HNF4A: variants seen among roughly 807,000 people sequenced by gnomAD.
HNF4A encodes the protein hepatocyte nuclear factor 4-alpha.
A neutral mutation model predicts 52.4 loss-of-function variants in HNF4A; 15 were observed. The observed-to-expected ratio is 0.29, with a 90% CI of 0.19 to 0.44. The LOEUF is 0.44. Ranked by LOEUF, HNF4A falls within the 20% of genes least tolerant of loss-of-function variation. The pLI is 1.00. For missense variants in HNF4A, 479 were observed against 647.2 expected (o/e 0.74, Z 2.82); for synonymous variants, 280 against 264.4 (o/e 1.06, Z -0.57).
At chr20:44,365,079 T>C (rs1270706238) in intron 1 of HNF4A, among the ~76,000 whole-genome samples, 1 of 152,220 alleles carries the variant, frequency 6.6e-6, no homozygotes, top group Admixed American at 6.5e-5. Flanking sequence ...AGTAGGGTCA[T>C]GCTCACACGT....
At chr20:44,405,627 G>C (rs1370116046) in intron 1 of HNF4A, among the ~76,000 whole-genome samples, 1 of 152,082 alleles carries the variant, frequency 6.6e-6, no homozygotes, top group African/African-American at 2.4e-5. Context: ...CGGGGCCCCT[G>C]GGCACACAAG....
chr20:44,401,831 G>A lies in HNF4A; in HGVS notation c.115+344G>A, dbSNP rs78297185. 1.8e-3 allele frequency among the ~76,000 whole-genome samples: 278 copies of A among 152,276 alleles called. 2 individuals are homozygous for A. The highest frequency in any genetic ancestry group is 6.4e-3 in the African/African-American group (264 of 41,556). On this transcript the variant is annotated intron_variant, in intron 1 of 9. Transcript: ENST00000316099. ...CTCCCCCTTGGTGCCCAGCTCCAGC[G>A]ATTCAGCCCAGCACGGCCCCTTCGT...
rs989471061 is a variant in HNF4A, at chr20:44,418,505, G to A, written c.729G>A (p.Leu243=). Residue 243 remains leucine, a synonymous_variant, in exon 6 of 10, where the codon CTG becomes CTA. Coordinates refer to ENST00000316099, the MANE Select transcript of HNF4A (RefSeq NM_000457.6). ...GATCCATGGTGTTCAAGGACGTGCT[G>A]CTCCTAGGTGAGGCGGCTGCCTGCC... 6.2e-7 allele frequency: 1 copy of A among 1,611,920 alleles called. No homozygotes were observed. The highest frequency in any genetic ancestry group is 8.5e-7 in the Non-Finnish European group (1 of 1,179,570).
At chr20:44,390,518 T>C (rs1266726778) in intron 1 of HNF4A, 2 of 671,884 alleles carry the variant, frequency 3.0e-6, no homozygotes, top group Non-Finnish European at 5.4e-6. Flanking sequence ...TGACCAGTAT[T>C]AAGGGATTAA....
chr20:44,395,669 T>C (rs2063346803), intron 1 of HNF4A: 1 of 152,254 alleles, frequency 6.6e-6, no homozygotes, highest in Admixed American at 6.5e-5. Flanking sequence ...GACTGGAGTT[T>C]GGTCAGTGGT....
chr20:44,385,922 C>T (rs922885907), intron 1 of HNF4A, among the ~76,000 whole-genome samples: 11 of 151,338 alleles, frequency 7.3e-5, no homozygotes, highest in South Asian at 2.1e-4. Flanking sequence ...TGCAGTGGCA[C>T]GATCTTCACT....
rs765022455 is a variant in HNF4A at position 44,429,705 on chromosome 20, G to A, written c.*40G>A. 2 of 1,606,992 alleles carry A rather than the reference G, an allele frequency of 1.2e-6. No individual in the cohort carries two copies. Among genetic ancestry groups the A allele is most frequent in the South Asian group, 1.1e-5 (1 of 90,908 alleles). The stretch of plus-strand genomic sequence containing the variant: ...TTGGGGGCTCCACTGGCTCCCCCCA[G>A]CCCCCTAAGAGAGCACCTGGTGATC... On this transcript the variant is annotated 3_prime_UTR_variant, in exon 10 of 10. Coordinates refer to ENST00000316099, the MANE Select transcript of HNF4A (RefSeq NM_000457.6).
At chr20:44,362,822 T>C (rs1401281012) in intron 1 of HNF4A, among the ~76,000 whole-genome samples, 1 of 151,832 alleles carries the variant, frequency 6.6e-6, no homozygotes, top group Non-Finnish European at 1.5e-5. Flanking sequence ...CTGTGTGACC[T>C]TGAGTGAATG....
chr20:44,380,218 T>A (rs1357555799), intron 1 of HNF4A, among the ~76,000 whole-genome samples: 1 of 152,236 alleles, frequency 6.6e-6, no homozygotes, highest in East Asian at 1.9e-4. Flanking sequence ...TAATGATTAG[T>A]GATGTTAAGT....
chr20:44,359,266 C>T (rs190950482), intron 1 of HNF4A, among the ~76,000 whole-genome samples: 1 of 152,312 alleles, frequency 6.6e-6, no homozygotes, highest in Admixed American at 6.5e-5. Context: ...CTCCTCACTG[C>T]GTTGTCTTTG....
chr20:44,371,827 A>AG (rs1398596507), intron 1 of HNF4A, among the ~76,000 whole-genome samples: 1 of 152,118 alleles, frequency 6.6e-6, no homozygotes, highest in Admixed American at 6.6e-5. Flanking sequence ...TGTCAAAAAA[A>AG]TAAATTAAAG....
intron 8 of HNF4A, among the ~76,000 whole-genome samples, chr20:44,427,557 T>C (rs1205304121): frequency 6.6e-6 from 1 of 152,256 alleles, no homozygotes; most frequent in East Asian, 1.9e-4. Flanking sequence ...CACCATAGGC[T>C]ATTATTAAAC....
At chr20:44,392,362 G>T (rs2063311472) in intron 1 of HNF4A, among the ~76,000 whole-genome samples, 3 of 152,090 alleles carry the variant, frequency 2.0e-5, no homozygotes, top group Non-Finnish European at 4.4e-5. Context: ...GCCATCGAAG[G>T]CTTTCCAGGT....
At chr20:44,404,957 G>GC (rs2063473900) in intron 1 of HNF4A, among the ~76,000 whole-genome samples, 3 of 12,628 alleles carry the variant, frequency 2.4e-4, no homozygotes, top group African/African-American at 5.8e-4. Flanking sequence ...GGAACTGTGT[G>GC]GTGTGTGTGG....
intron 7 of HNF4A, 136 bp downstream of exon 7, chr20:44,420,012 T>A: frequency 1.1e-6 from 1 of 912,914 alleles, no homozygotes; most frequent in Non-Finnish European, 1.8e-6. Context: ...CGTTTTCATT[T>A]AACAGATGAG....
chr20:44,401,384 C>A lies in HNF4A; in HGVS notation c.12C>A (p.Ser4=). 1 of 1,614,158 alleles carries A rather than the reference C, an allele frequency of 6.2e-7. No homozygotes were observed. The highest frequency in any genetic ancestry group is 8.5e-7 in the Non-Finnish European group (1 of 1,180,024). ...TGGAGGCAGGGAGAATGCGACTCTCCAAAACCCTCGTCGACATGGACATGG... is the reference window on the plus strand; with the variant it reads ...TGGAGGCAGGGAGAATGCGACTCTCAAAAACCCTCGTCGACATGGACATGG... The change falls in exon 1 of 10, where the codon TCC becomes TCA. Residue 4 remains serine, a synonymous_variant. Transcript: ENST00000316099.
At chr20:44,423,637 C>T (rs1210214521) in intron 7 of HNF4A, among the ~76,000 whole-genome samples, 1 of 152,196 alleles carries the variant, frequency 6.6e-6, no homozygotes, top group Non-Finnish European at 1.5e-5. Context: ...ACCCCAAGTT[C>T]CCATTGTGGC....
intron 8 of HNF4A, 85 bp from the exon 9 acceptor site, chr20:44,428,250 T>G: frequency 1.4e-6 from 2 of 1,430,574 alleles, no homozygotes; most frequent in Non-Finnish European, 2.0e-6. Flanking sequence ...GCTGGTTGAT[T>G]GGCCACGCCT....
chr20:44,419,517 A>G (rs1208933489), intron 6 of HNF4A, among the ~76,000 whole-genome samples: 1 of 152,186 alleles, frequency 6.6e-6, no homozygotes, highest in Non-Finnish European at 1.5e-5. Flanking sequence ...TAGAAAGCCA[A>G]GTTCCAAGCT....
Sources: allele counts gnomAD v4.1 joint callset (sites outside exome capture counted in the v4.1 genomes callset), GRCh38; gene constraint gnomAD v4.1.1; transcripts MANE v1.5; gene names NCBI Gene and HGNC (gene_info 2026-07-23, HGNC 2026-07-21).